Variants in DENND1A observed in about 807,000 individuals in gnomAD.
DENND1A encodes DENN domain containing 1A.
DENND1A carries 51 observed loss-of-function variants against 113.7 expected under a neutral mutation model. The ratio of observed to expected loss-of-function variants is 0.45; its 90% CI spans 0.36 to 0.57. DENND1A has a LOEUF of 0.57. Ranked by LOEUF, DENND1A falls within the 20% of genes least tolerant of loss-of-function variation. The probability of loss-of-function intolerance (pLI) is 0.00; values close to 1 mark genes in which losing one functional copy is unlikely to be tolerated. For synonymous variants in DENND1A, 565 were observed against 570.8 expected (o/e 0.99, Z 0.14); for missense variants, 1,258 against 1,395.9 (o/e 0.90, Z 1.57).
chr9:123,666,562 T>C (rs1041500612), intron 8 of DENND1A, among the ~76,000 whole-genome samples: 1 of 152,196 alleles, frequency 6.6e-6, no homozygotes, highest in Non-Finnish European at 1.5e-5. Flanking sequence ...AAATTCTTTA[T>C]ATGGAAACAT....
chr9:123,647,278 T>C lies in DENND1A; in HGVS notation c.618+4735A>G, dbSNP rs115939318. Among the ~76,000 whole-genome samples the C allele has an allele frequency of 3.0e-3, 457 of 152,240 alleles. 3 individuals carry two copies. Among genetic ancestry groups the C allele is most frequent in the African/African-American group, 0.011 (441 of 41,536 alleles). ...TGGCTCAGGGGCCAGCAAACCACAG[T>C]GAAAAGGCTAAGCCTGGCCTGCTGC... is the stretch of plus-strand genomic sequence containing the variant. On this transcript the variant is annotated intron_variant, in intron 9 of 23. Transcript: ENST00000394215.
chr9:123,382,664 G>T, intron 23 of DENND1A, 39 bp from the exon 24 acceptor site: 1 of 1,603,378 alleles, frequency 6.2e-7, no homozygotes. Flanking sequence ...ACCACGGGCT[G>T]AGTTGGGACA....
Position 123,925,712 on chromosome 9 carries a change from G to A in DENND1A, c.17+4177C>T, listed in dbSNP as rs183769839. On this transcript the variant is annotated intron_variant, in intron 1 of 23. Coordinates refer to ENST00000394215, the MANE Select transcript of DENND1A (RefSeq NM_001352964.2). ...TTAGTTCTACAGTAGGTAAATGGAT[G>A]AATAAATGGATAAATTTCTTGGTCA... Among the ~76,000 whole-genome samples, 601 of 152,302 alleles carry A rather than the reference G, an allele frequency of 3.9e-3. 3 individuals carry two copies. Among genetic ancestry groups the A allele is most frequent in the African/African-American group, 0.013 (558 of 41,568 alleles).
intron 13 of DENND1A, among the ~76,000 whole-genome samples, chr9:123,467,285 T>C (rs1157033983): frequency 6.6e-6 from 1 of 152,144 alleles, no homozygotes; most frequent in African/African-American, 2.4e-5. Context: ...GGGGTTGGGA[T>C]GGCGAGGCCC....
At chr9:123,518,541 C>T (rs192827535) in intron 13 of DENND1A, among the ~76,000 whole-genome samples, 10 of 152,138 alleles carry the variant, frequency 6.6e-5, no homozygotes, top group Non-Finnish European at 1.3e-4. Context: ...AATGCTGTGA[C>T]CCAGGGCAGG....
chr9:123,891,460 G>A (rs1849887894), intron 1 of DENND1A, among the ~76,000 whole-genome samples: 1 of 152,168 alleles, frequency 6.6e-6, no homozygotes, highest in South Asian at 2.1e-4. Flanking sequence ...TCTATTTTCT[G>A]AAAAGTGATT....
At chr9:123,755,774 C>T (rs984566855) in intron 5 of DENND1A, among the ~76,000 whole-genome samples, 5 of 152,188 alleles carry the variant, frequency 3.3e-5, no homozygotes, top group African/African-American at 1.2e-4. Flanking sequence ...AATAACTTTT[C>T]CCTTCCTTAA....
intron 2 of DENND1A, among the ~76,000 whole-genome samples, chr9:123,816,086 G>A (rs1401589284): frequency 1.4e-5 from 2 of 141,702 alleles, no homozygotes; most frequent in Non-Finnish European, 3.0e-5. Context: ...CTGTAACCTC[G>A]ACCTCCTGGG....
At chr9:123,601,300 A>T (rs1330123056) in intron 11 of DENND1A, among the ~76,000 whole-genome samples, 1 of 152,228 alleles carries the variant, frequency 6.6e-6, no homozygotes, top group Admixed American at 6.5e-5. Context: ...TGATTACATA[A>T]ATTACTGCTA....
At chr9:123,403,792 A>G (rs374459947) in intron 20 of DENND1A, among the ~76,000 whole-genome samples, 8 of 152,198 alleles carry the variant, frequency 5.3e-5, no homozygotes, top group African/African-American at 1.2e-4. Flanking sequence ...TGAGGGTCCA[A>G]TGAGATGATG....
At chr9:123,545,275 T>C (rs930812696) in intron 13 of DENND1A, among the ~76,000 whole-genome samples, 1 of 152,072 alleles carries the variant, frequency 6.6e-6, no homozygotes, top group Non-Finnish European at 1.5e-5. Context: ...CATGTAGTCA[T>C]ATATTTCAGA....
intron 2 of DENND1A, among the ~76,000 whole-genome samples, chr9:123,808,102 T>G (rs919685543): frequency 6.6e-6 from 1 of 152,032 alleles, no homozygotes; most frequent in Non-Finnish European, 1.5e-5. Flanking sequence ...GGTGGGCACC[T>G]GTAATCCCAA....
intron 12 of DENND1A, among the ~76,000 whole-genome samples, chr9:123,569,951 C>T (rs1560264): frequency 0.046 from 7,027 of 152,244 alleles, 234 homozygotes; most frequent in Non-Finnish European, 0.068. Flanking sequence ...GAAGTCCAAA[C>T]TTGTTTTTGT....
chr9:123,382,187 G>T lies in DENND1A; in HGVS notation c.2458C>A (p.Gln820Lys). ...GGCTGGAGCAGTTCAGTGGGGCCTT[G>T]GGGGACAACACCAGGCAGGAGCCCT... is the stretch of plus-strand genomic sequence containing the variant. The part of the protein sequence containing the change: ...SPGLLPGVVP[Q>K]GPTELLQPLS... Residue 820 changes from glutamine (Q) to lysine (K), a missense_variant, in exon 24 of 24, where the codon CAA becomes AAA. Around this residue, in one of 2 missense-constraint regions of DENND1A, gnomAD observed 1,159 missense variants for 1,231.7 expected, o/e 0.94. Transcript: ENST00000394215. The T allele has an allele frequency of 6.2e-7, 1 of 1,609,528 alleles. No individual in the cohort carries two copies. Among genetic ancestry groups the T allele is most frequent in the Non-Finnish European group, 8.5e-7 (1 of 1,179,420 alleles).
At chr9:123,446,735 T>G (rs2047334512) in intron 18 of DENND1A, among the ~76,000 whole-genome samples, 1 of 152,082 alleles carries the variant, frequency 6.6e-6, no homozygotes, top group South Asian at 2.1e-4. Flanking sequence ...GAGGATCCCT[T>G]GAGCCTGGGA....
intron 2 of DENND1A, among the ~76,000 whole-genome samples, chr9:123,849,864 T>C (rs899676879): frequency 2.0e-5 from 3 of 152,040 alleles, no homozygotes; most frequent in African/African-American, 4.8e-5. Context: ...AAGACTTCAG[T>C]GGAGGAAGTA....
chr9:123,754,742 C>T (rs940899926), intron 5 of DENND1A, among the ~76,000 whole-genome samples: 2 of 152,162 alleles, frequency 1.3e-5, no homozygotes, highest in Admixed American at 1.3e-4. Flanking sequence ...TTAAAAAACA[C>T]ATCAATTGCT....
intron 1 of DENND1A, among the ~76,000 whole-genome samples, chr9:123,926,845 A>C (rs1485411881): frequency 6.6e-6 from 1 of 152,080 alleles, no homozygotes; most frequent in African/African-American, 2.4e-5. Flanking sequence ...TCCTCTCAAG[A>C]AGTTTATGTC....
intron 9 of DENND1A, among the ~76,000 whole-genome samples, chr9:123,644,783 G>C (rs1260333890): frequency 6.6e-6 from 1 of 152,160 alleles, no homozygotes; most frequent in Non-Finnish European, 1.5e-5. Context: ...CTATTGACTA[G>C]GACATGACCT....
Sources: gnomAD v4.1 joint callset for allele counts (sites outside exome capture counted in the v4.1 genomes callset) on GRCh38, gnomAD v4.1.1 for gene constraint, gnomAD v4.1.1 regional missense constraint, MANE v1.5 for transcripts, NCBI Gene and HGNC (gene_info 2026-07-23, HGNC 2026-07-21) for gene names.